Variants in LAPTM5 observed in about 807,000 individuals in gnomAD.
LAPTM5 encodes lysosomal protein transmembrane 5, also known as lysosomal-associated transmembrane protein 5.
A neutral mutation model predicts 30.1 loss-of-function variants in LAPTM5; 11 were observed. The observed-to-expected ratio is 0.37, with a 90% CI of 0.23 to 0.60. The LOEUF (loss-of-function observed/expected upper bound fraction) is 0.60. LAPTM5 is among the 20% of genes least tolerant of loss of function. LAPTM5 has a pLI of 0.71. For missense variants in LAPTM5, 324 were observed against 332.5 expected, an observed-to-expected ratio of 0.97 and a Z score of 0.20; for synonymous variants, 151 against 137.9, an observed-to-expected ratio of 1.10 and a Z score of -0.67.
chr1:30,738,979 T>C lies in LAPTM5; in HGVS notation c.471A>G (p.Glu157=). ...SILTLCSSYM[E]VPTYLNFKSM... ...ACTTGAAGTTGAGATAGGTGGGCAC[T>C]TCCATGTAGGAGCTGCAGAGGGTCA... Residue 157 remains glutamate (E), a synonymous_variant, in exon 5 of 8, where the codon GAA becomes GAG. Coordinates refer to ENST00000294507, the MANE Select transcript of LAPTM5 (RefSeq NM_006762.3). 1 of 1,608,280 alleles carries C rather than the reference T, an allele frequency of 6.2e-7. No individual in the cohort carries two copies. Among genetic ancestry groups the C allele is most frequent in the Non-Finnish European group, 8.5e-7 (1 of 1,177,860 alleles).
At chr1:30,750,007 C>T (rs775906591) in intron 1 of LAPTM5, among the ~76,000 whole-genome samples, 9 of 152,088 alleles carry the variant, frequency 5.9e-5, no homozygotes, top group Non-Finnish European at 1.0e-4. Flanking sequence ...AACCTAGACT[C>T]GGACGGCTCA....
In LAPTM5 at chr1:30,735,156, C is replaced by T; in HGVS notation, c.699+17G>A. The T allele has an allele frequency of 6.3e-7, 1 of 1,591,650 alleles. No homozygotes were observed. The highest frequency in any genetic ancestry group is 8.6e-7 in the Non-Finnish European group (1 of 1,159,946). The stretch of plus-strand genomic sequence containing the variant: ...GAGTTAGTGACAGGGCTGGCACCCA[C>T]CTGCAGCCACACTCACCTTCTGGAG... On this transcript the variant is annotated intron_variant, in intron 7 of 7. Transcript: ENST00000294507.
chr1:30,743,979 C>A, intron 1 of LAPTM5, among the ~76,000 whole-genome samples: 1 of 152,086 alleles, frequency 6.6e-6, no homozygotes, highest in East Asian at 1.9e-4. Context: ...GTCTCTTAAC[C>A]TCTCTGAGTT....
chr1:30,756,439 C>G (rs2124204939), intron 1 of LAPTM5, among the ~76,000 whole-genome samples: 1 of 152,336 alleles, frequency 6.6e-6, no homozygotes, highest in African/African-American at 2.4e-5. Context: ...TGTATCAACT[C>G]CCTGAGCCTC....
rs149855768 is a variant in LAPTM5, at chr1:30,736,372, C to G, written c.607-1107G>C. Among the ~76,000 whole-genome samples the G allele has an allele frequency of 4.9e-3, 748 of 152,256 alleles. 1 individual carries two copies. The highest frequency in any genetic ancestry group is 0.01 in the Middle Eastern group (3 of 294). ...GCACCCAGTTGTCAGCAGTGATGCTCTCTGTGTGGGGTGTGGATGGTGGAG... is the reference window on the plus strand; with the variant it reads ...GCACCCAGTTGTCAGCAGTGATGCTGTCTGTGTGGGGTGTGGATGGTGGAG... On this transcript the variant is annotated intron_variant, in intron 6 of 7. Transcript: ENST00000294507.
At position 30,743,804 on chromosome 1, in the gene LAPTM5, T is replaced by TTG. The variant is rs1171024338; in HGVS notation, c.88-1256_88-1255insCA. 1.4e-4 allele frequency among the ~76,000 whole-genome samples: 21 copies of TTG among 148,208 alleles called. 1 individual carries two copies. Among genetic ancestry groups the TTG allele is most frequent in the African/African-American group, 5.2e-4 (21 of 40,140 alleles). ...CTTGCTGACTGTGTGGGTTTTTTTT[T>TTG]TTTTTTTTTTTTTAGCTCAGACACA... On this transcript the variant is annotated intron_variant, in intron 1 of 7. Transcript: ENST00000294507.
At chr1:30,742,252 A>G (rs1186349350) in intron 2 of LAPTM5, 2 of 590,530 alleles carry the variant, frequency 3.4e-6, no homozygotes, top group African/African-American at 3.7e-5. Flanking sequence ...TGCTCTCACC[A>G]CCTGCAGATG....
intron 6 of LAPTM5, 35 bp downstream of exon 6, chr1:30,737,568 AC>A: frequency 6.6e-7 from 1 of 1,512,588 alleles, no homozygotes; most frequent in Non-Finnish European, 9.2e-7. Context: ...CAGCCTCACC[AC>A]CCCTCCCAGA....
intron 6 of LAPTM5, among the ~76,000 whole-genome samples, chr1:30,736,820 G>T (rs1013400311): frequency 2.0e-5 from 3 of 152,086 alleles, no homozygotes; most frequent in Non-Finnish European, 4.4e-5. Context: ...TTCCTTCTGT[G>T]GTCATCAGCA....
At chr1:30,745,436 C>G (rs1029890171) in intron 1 of LAPTM5, among the ~76,000 whole-genome samples, 1 of 152,138 alleles carries the variant, frequency 6.6e-6, no homozygotes, top group Admixed American at 6.5e-5. Flanking sequence ...TGCAGTCCCC[C>G]CTCCCTCCCC....
intron 1 of LAPTM5, among the ~76,000 whole-genome samples, chr1:30,749,407 A>G (rs1459891874): frequency 6.6e-6 from 1 of 152,136 alleles, no homozygotes; most frequent in African/African-American, 2.4e-5. Context: ...TGGAGGTCAC[A>G]TGGGTGTGTT....
In LAPTM5 at chr1:30,752,946, AC is replaced by A. The variant is rs1167568743; in HGVS notation, c.87+4712del. On this transcript the variant is annotated intron_variant, in intron 1 of 7. Transcript: ENST00000294507. ...CTCAGCCTCCCGCGTAGCTTGGACTACAGGCTCCCGCCATCATGCCCAGCTA... is the reference window on the plus strand; with the variant it reads ...CTCAGCCTCCCGCGTAGCTTGGACTAAGGCTCCCGCCATCATGCCCAGCTA... 3.3e-5 allele frequency among the ~76,000 whole-genome samples: 5 copies of A among 152,328 alleles called. No homozygotes were observed. The East Asian group carries it at 9.6e-4, about 29-fold the overall frequency.
Position 30,741,648 on chromosome 1 carries a change from C to G in LAPTM5, c.250G>C (p.Val84Leu). 1 of 1,601,222 alleles carries G rather than the reference C, an allele frequency of 6.2e-7. No homozygotes were observed. The highest frequency in any genetic ancestry group is 8.5e-7 in the Non-Finnish European group (1 of 1,173,808). The change falls in exon 3 of 8, where the codon GTA becomes CTA. Residue 84 changes from valine to leucine, a missense_variant. Coordinates refer to ENST00000294507, the MANE Select transcript of LAPTM5 (RefSeq NM_006762.3). ...GGCTCCTGAGCCCTCACCTTGACTA[C>G]GCCGATCAGTAGGCTCAGGCTGATG... ...FIISLSLLIG[V>L]VKNREKYLLP...
In LAPTM5 at chr1:30,750,619, C is replaced by T. The variant is rs565256971; in HGVS notation, c.87+7040G>A. Among the ~76,000 whole-genome samples the T allele has an allele frequency of 9.2e-5, 14 of 152,324 alleles. No individual in the cohort carries two copies. In the South Asian group the frequency reaches 2.7e-3, roughly 29 times the overall value. Reference sequence around the variant, plus strand: ...GGGCTCTGTGCTTCTCAGAACAAGGCTCTGGGGATGGCAGAGCTGACCCCC... The same window carrying T: ...GGGCTCTGTGCTTCTCAGAACAAGGTTCTGGGGATGGCAGAGCTGACCCCC... On this transcript the variant is annotated intron_variant, in intron 1 of 7. Coordinates refer to ENST00000294507, the MANE Select transcript of LAPTM5 (RefSeq NM_006762.3).
intron 3 of LAPTM5, 118 bp from the exon 4 acceptor site, chr1:30,740,055 T>A: frequency 8.7e-7 from 1 of 1,152,116 alleles, no homozygotes; most frequent in Non-Finnish European, 1.2e-6. Context: ...CCTGCCCTCC[T>A]CAGTTGAGGT....
chr1:30,749,324 C>T (rs1417886891), intron 1 of LAPTM5, among the ~76,000 whole-genome samples: 3 of 152,102 alleles, frequency 2.0e-5, no homozygotes, highest in Non-Finnish European at 4.4e-5. Context: ...AGGCAGAAGT[C>T]AGTGGGGGCG....
chr1:30,733,810 G>T lies in LAPTM5; in HGVS notation c.*18C>A. 6.3e-7 allele frequency: 1 copy of T among 1,599,800 alleles called. No individual in the cohort carries two copies. The highest frequency in any genetic ancestry group is 8.5e-7 in the Non-Finnish European group (1 of 1,175,434). ...CAGCTCCACCCCTCCCAGCACTGGG[G>T]CTGGGGCCTGGCGAGGGTCACACCT... On this transcript the variant is annotated 3_prime_UTR_variant, in exon 8 of 8. Transcript: ENST00000294507.
intron 1 of LAPTM5, among the ~76,000 whole-genome samples, chr1:30,756,595 T>C (rs1352699379): frequency 6.6e-6 from 1 of 152,190 alleles, no homozygotes; most frequent in Non-Finnish European, 1.5e-5. Flanking sequence ...GGAGTCTGCA[T>C]CCAGAGGCCG....
At chr1:30,742,261 T>C in intron 2 of LAPTM5, 195 bp downstream of exon 2, 1 of 593,688 alleles carries the variant, frequency 1.7e-6, no homozygotes. Context: ...CACCTGCAGA[T>C]GTGGGTGGGG....
Sources: gnomAD v4.1 joint callset for allele counts (sites outside exome capture counted in the v4.1 genomes callset) on GRCh38, gnomAD v4.1.1 for gene constraint, MANE v1.5 for transcripts, NCBI Gene and HGNC (gene_info 2026-07-23, HGNC 2026-07-21) for gene names.